FHIT: variants seen among roughly 807,000 people sequenced by gnomAD.
FHIT encodes the protein bis(5'-adenosyl)-triphosphatase.
FHIT carries 19 observed loss-of-function variants against 17.9 expected under a neutral mutation model. The observed-to-expected ratio is 1.06, with a 90% CI of 0.74 to 1.56. The LOEUF is 1.56. FHIT is among the 40% of genes most tolerant of loss of function. FHIT has a pLI of 0.00. For missense variants in FHIT, 248 were observed against 189.2 expected (o/e 1.31, Z -1.82); for synonymous variants, 81 against 69.7 (o/e 1.16, Z -0.81).
At chr3:61,170,262 T>C (rs2037964093) in intron 2 of FHIT, among the ~76,000 whole-genome samples, 1 of 152,218 alleles carries the variant, frequency 6.6e-6, no homozygotes, top group African/African-American at 2.4e-5. Flanking sequence ...CAAATTACCT[T>C]GGTTTTACTT....
intron 5 of FHIT, among the ~76,000 whole-genome samples, chr3:60,113,641 C>T (rs78484767): frequency 2.0e-5 from 3 of 151,468 alleles, no homozygotes; most frequent in Non-Finnish European, 2.9e-5. Flanking sequence ...GTTTTGGAGA[C>T]GGGTGCACAA....
intron 3 of FHIT, among the ~76,000 whole-genome samples, chr3:60,888,325 G>T (rs1237423828): frequency 6.6e-6 from 1 of 152,194 alleles, no homozygotes; most frequent in Non-Finnish European, 1.5e-5. Context: ...TCAAAAGGCA[G>T]CAAGGTGGCG....
chr3:60,644,262 A>G (rs550232878), intron 4 of FHIT, among the ~76,000 whole-genome samples: 1 of 152,202 alleles, frequency 6.6e-6, no homozygotes, highest in African/African-American at 2.4e-5. Context: ...GTTTTTCTTC[A>G]TAGGTGTTTG....
At chr3:60,843,708 T>C (rs2223084) in intron 3 of FHIT, among the ~76,000 whole-genome samples, 28,469 of 152,096 alleles carry the variant, frequency 0.19, 2,895 homozygotes, top group Middle Eastern at 0.28. Flanking sequence ...CCTATACTTG[T>C]TTGAAATGAA....
At chr3:60,020,860 T>A (rs1700528166) in intron 5 of FHIT, among the ~76,000 whole-genome samples, 1 of 152,200 alleles carries the variant, frequency 6.6e-6, no homozygotes, top group Non-Finnish European at 1.5e-5. Flanking sequence ...AAAAGTAATC[T>A]ATTCACAACG....
At chr3:60,553,103 G>C (rs563761115) in intron 4 of FHIT, among the ~76,000 whole-genome samples, 1 of 152,228 alleles carries the variant, frequency 6.6e-6, no homozygotes, top group African/African-American at 2.4e-5. Context: ...TGCAATGAAT[G>C]GGTAAATAAT....
intron 5 of FHIT, among the ~76,000 whole-genome samples, chr3:60,307,692 T>A (rs536864689): frequency 4.7e-4 from 72 of 152,254 alleles, no homozygotes; most frequent in African/African-American, 1.6e-3. Flanking sequence ...TTTTCTCAAA[T>A]ACTAAGAGAC....
In FHIT at chr3:61,216,797, T is replaced by C. The variant is rs140658129; in HGVS notation, c.-212-16132A>G. On this transcript the variant is annotated intron_variant, in intron 1 of 9. Coordinates refer to ENST00000492590, the MANE Select transcript of FHIT (RefSeq NM_002012.4). ...AAGAAAATGTGGCACATATATACCA[T>C]GGAATACTATGCATCCATAAAAAAT... Among the ~76,000 whole-genome samples, 191 of 152,298 alleles carry C rather than the reference T, an allele frequency of 1.3e-3. 5 individuals are homozygous for C. The East Asian group carries it at 0.025, about 20-fold the overall frequency.
intron 5 of FHIT, among the ~76,000 whole-genome samples, chr3:60,531,618 T>A (rs2035790487): frequency 6.6e-6 from 1 of 152,198 alleles, no homozygotes; most frequent in Non-Finnish European, 1.5e-5. Context: ...CACTAATAAC[T>A]GCAGTTTCCT....
At chr3:60,344,649 C>T (rs1710686831) in intron 5 of FHIT, among the ~76,000 whole-genome samples, 3 of 152,128 alleles carry the variant, frequency 2.0e-5, no homozygotes, top group Admixed American at 6.6e-5. Flanking sequence ...GAGACGCCTC[C>T]AAACTTGTTA....
chr3:60,618,550 T>G (rs1553676871), intron 4 of FHIT, among the ~76,000 whole-genome samples: 1 of 152,234 alleles, frequency 6.6e-6, no homozygotes, highest in African/African-American at 2.4e-5. Flanking sequence ...TTTCCGTTCC[T>G]GCGTTAATTT....
At chr3:60,407,713 C>T (rs1042090351) in intron 5 of FHIT, among the ~76,000 whole-genome samples, 3 of 152,034 alleles carry the variant, frequency 2.0e-5, no homozygotes, top group African/African-American at 4.8e-5. Context: ...GACAGGGTTT[C>T]ACCATGTTGA....
chr3:60,550,139 C>T (rs555193213), intron 4 of FHIT, among the ~76,000 whole-genome samples: 11 of 152,288 alleles, frequency 7.2e-5, no homozygotes, highest in Middle Eastern at 6.8e-3. Flanking sequence ...AGGAACAATG[C>T]CCTGTCATCT....
At chr3:59,905,408 G>C (rs1425013020) in intron 8 of FHIT, among the ~76,000 whole-genome samples, 2 of 152,196 alleles carry the variant, frequency 1.3e-5, no homozygotes, top group African/African-American at 4.8e-5. Flanking sequence ...TTTTATGGTA[G>C]AAGGGCATGC....
intron 3 of FHIT, among the ~76,000 whole-genome samples, chr3:60,955,610 A>ATGTATATATATATATG: frequency 7.6e-5 from 1 of 13,126 alleles, no homozygotes; most frequent in Non-Finnish European, 1.8e-4. Context: ...ATATATATAT[A>ATGTATATATATATATG]TATATATATA....
chr3:60,584,298 T>TC (rs1214992454), intron 4 of FHIT, among the ~76,000 whole-genome samples: 2 of 151,858 alleles, frequency 1.3e-5, no homozygotes, highest in Non-Finnish European at 2.9e-5. Context: ...AGGCTTTTTT[T>TC]CCCCTCTGAG....
intron 1 of FHIT, among the ~76,000 whole-genome samples, chr3:61,216,200 A>G (rs1352151619): frequency 6.6e-6 from 1 of 152,234 alleles, no homozygotes; most frequent in Non-Finnish European, 1.5e-5. Flanking sequence ...ATCAGAGTGA[A>G]CAGGCAACCT....
intron 3 of FHIT, among the ~76,000 whole-genome samples, chr3:61,011,754 GA>G: frequency 6.6e-6 from 1 of 152,140 alleles, no homozygotes; most frequent in Non-Finnish European, 1.5e-5. Flanking sequence ...TTGCTCCTGA[GA>G]AAAAAGTCCC....
intron 5 of FHIT, among the ~76,000 whole-genome samples, chr3:60,376,123 T>C (rs1700548860): frequency 2.0e-5 from 3 of 152,144 alleles, no homozygotes; most frequent in Admixed American, 2.0e-4. Context: ...TTACATAGTG[T>C]TTAAAATTAT....
Sources: allele counts gnomAD v4.1 joint callset (sites outside exome capture counted in the v4.1 genomes callset), GRCh38; gene constraint gnomAD v4.1.1; transcripts MANE v1.5; gene names NCBI Gene and HGNC (gene_info 2026-07-23, HGNC 2026-07-21).